The following CGNL1 variants were observed in gnomAD, a reference collection of about 807,000 sequenced individuals.
CGNL1 encodes the protein cingulin like 1.
CGNL1 carries 132 observed loss-of-function variants against 141.2 expected under a neutral mutation model. That is an observed-to-expected ratio of 0.93 (90% CI 0.81 to 1.08). The LOEUF (loss-of-function observed/expected upper bound fraction) is 1.08, where lower values mean the gene tolerates loss of function less well. CGNL1 is among the 50% of genes least tolerant of loss of function. The pLI is 0.00. For missense variants in CGNL1, 1,870 were observed against 1,588.6 expected (o/e 1.18, Z -3.01); for synonymous variants, 690 against 622.1 (o/e 1.11, Z -1.63).
chr15:57,476,073 G>A (rs1002124039), intron 8 of CGNL1, among the ~76,000 whole-genome samples: 12 of 152,160 alleles, frequency 7.9e-5, no homozygotes, highest in African/African-American at 2.9e-4. Context: ...TGGACAAGGT[G>A]GCCTCTGCTC....
chr15:57,411,297 T>G (rs187740727), intron 1 of CGNL1, among the ~76,000 whole-genome samples: 1 of 152,198 alleles, frequency 6.6e-6, no homozygotes, highest in Non-Finnish European at 1.5e-5. Context: ...ATTTGTTCAC[T>G]TGGACGTTCT....
At chr15:57,468,370 A>G (rs1370968752) in intron 8 of CGNL1, among the ~76,000 whole-genome samples, 1 of 150,912 alleles carries the variant, frequency 6.6e-6, no homozygotes, top group Non-Finnish European at 1.5e-5. Flanking sequence ...CCTCCCAAGG[A>G]ACTAGGACTA....
chr15:57,457,275 A>G (rs2063391277), intron 7 of CGNL1, among the ~76,000 whole-genome samples: 1 of 152,146 alleles, frequency 6.6e-6, no homozygotes, highest in South Asian at 2.1e-4. Context: ...TTGTGAGCAA[A>G]TACATTGCCG....
chr15:57,389,320 C>T (rs7177016), intron 1 of CGNL1, among the ~76,000 whole-genome samples: 15,148 of 152,128 alleles, frequency 0.1, 1,510 homozygotes, highest in African/African-American at 0.25. Context: ...CCAAAAAAAC[C>T]TGTAGTTTCC....
chr15:57,407,516 A>T (rs1595670909), intron 1 of CGNL1, among the ~76,000 whole-genome samples: 1 of 152,038 alleles, frequency 6.6e-6, no homozygotes, highest in African/African-American at 2.4e-5. Flanking sequence ...CAACAAAAAA[A>T]ATTTAAAAAT....
chr15:57,504,094 G>A (rs748773676), intron 8 of CGNL1, among the ~76,000 whole-genome samples: 15 of 152,154 alleles, frequency 9.9e-5, no homozygotes, highest in Non-Finnish European at 1.6e-4. Flanking sequence ...CGGGTTCACT[G>A]CTGATCATTG....
At position 57,513,623 on chromosome 15, in the gene CGNL1, C is replaced by T. The variant is rs540464663; in HGVS notation, c.2404-3157C>T. ...GCAACCTCTGCCTCCTGGGTTCAAG[C>T]GATTCTCCTGCCTCAGCCTCCTGAG... On this transcript the variant is annotated intron_variant, in intron 8 of 18. Transcript: ENST00000281282. Among the ~76,000 whole-genome samples, 13 of 152,140 alleles carry T rather than the reference C, an allele frequency of 8.5e-5. No individual in the cohort carries two copies. In the East Asian group the frequency reaches 2.1e-3, roughly 25 times the overall value.
At chr15:57,513,346 T>G (rs1172831130) in intron 8 of CGNL1, among the ~76,000 whole-genome samples, 1 of 151,742 alleles carries the variant, frequency 6.6e-6, no homozygotes, top group African/African-American at 2.4e-5. Flanking sequence ...ATCCATGTTG[T>G]GGTGTGTGTC....
chr15:57,400,538 T>C (rs1391528661), intron 1 of CGNL1, among the ~76,000 whole-genome samples: 1 of 152,180 alleles, frequency 6.6e-6, no homozygotes, highest in Non-Finnish European at 1.5e-5. Flanking sequence ...CTTTGGATGC[T>C]CAAAGCCCAT....
At chr15:57,508,795 C>T (rs558692892) in intron 8 of CGNL1, among the ~76,000 whole-genome samples, 1 of 152,332 alleles carries the variant, frequency 6.6e-6, no homozygotes, top group South Asian at 2.1e-4. Flanking sequence ...ATTGGCATCA[C>T]CTGGGAGCTT....
chr15:57,528,538 T>G, intron 12 of CGNL1, 116 bp from the exon 13 acceptor site: 1 of 993,892 alleles, frequency 1.0e-6, no homozygotes, highest in Non-Finnish European at 1.5e-6. Flanking sequence ...TGATCTCCCA[T>G]ATTGTGGGAG....
At chr15:57,405,778 CTT>C (rs1491208682) in intron 1 of CGNL1, among the ~76,000 whole-genome samples, 39 of 30,142 alleles carry the variant, frequency 1.3e-3, no homozygotes, top group African/African-American at 3.2e-3. Flanking sequence ...CTTTCTCTTT[CTT>C]TCTTTCTTTC....
chr15:57,450,778 C>A (rs533819988), intron 4 of CGNL1, among the ~76,000 whole-genome samples: 1 of 152,210 alleles, frequency 6.6e-6, no homozygotes, highest in South Asian at 2.1e-4. Flanking sequence ...TTTTGTCTAG[C>A]TTTCATAGTT....
intron 7 of CGNL1, among the ~76,000 whole-genome samples, chr15:57,455,577 C>A (rs1342345906): frequency 6.6e-6 from 1 of 152,142 alleles, no homozygotes; most frequent in Non-Finnish European, 1.5e-5. Flanking sequence ...AATTCAAGAG[C>A]AATCACTTTT....
At chr15:57,435,495 C>A (rs2152301801) in intron 1 of CGNL1, among the ~76,000 whole-genome samples, 1 of 145,518 alleles carries the variant, frequency 6.9e-6, no homozygotes. Context: ...ACTTATTTTA[C>A]TTTGATTAAA....
intron 7 of CGNL1, among the ~76,000 whole-genome samples, chr15:57,457,961 A>C (rs1279240144): frequency 6.6e-6 from 1 of 152,178 alleles, no homozygotes; most frequent in Admixed American, 6.5e-5. Context: ...ACCATAGTGA[A>C]GGGAAAGGGC....
At chr15:57,416,867 A>G (rs1481279215) in intron 1 of CGNL1, among the ~76,000 whole-genome samples, 2 of 152,192 alleles carry the variant, frequency 1.3e-5, no homozygotes, top group African/African-American at 2.4e-5. Context: ...AATGGTGGTT[A>G]GGTTCTAGGC....
intron 8 of CGNL1, among the ~76,000 whole-genome samples, chr15:57,485,993 C>T (rs866852181): frequency 6.6e-6 from 1 of 152,254 alleles, no homozygotes; most frequent in African/African-American, 2.4e-5. Context: ...AGTCAGCAAA[C>T]CAGTCAAGGG....
At chr15:57,545,383 C>G (rs1417764507) in intron 16 of CGNL1, among the ~76,000 whole-genome samples, 2 of 152,236 alleles carry the variant, frequency 1.3e-5, no homozygotes, top group African/African-American at 2.4e-5. Context: ...GGCTCTGAAG[C>G]CTTGGGCCAG....
Sources: gnomAD v4.1 joint callset for allele counts (sites outside exome capture counted in the v4.1 genomes callset) on GRCh38, gnomAD v4.1.1 for gene constraint, MANE v1.5 for transcripts, NCBI Gene and HGNC (gene_info 2026-07-23, HGNC 2026-07-21) for gene names.